RPS6KC1: variants seen among roughly 807,000 people sequenced by gnomAD.
The protein encoded by RPS6KC1 is ribosomal protein S6 kinase C1, also known as inactive ribosomal protein S6 kinase delta-1.
RPS6KC1 carries 54 observed loss-of-function variants against 103.8 expected under a neutral mutation model. The ratio of observed to expected loss-of-function variants is 0.52; its 90% CI spans 0.42 to 0.65. RPS6KC1 has a LOEUF of 0.65. Among genes scored for constraint, RPS6KC1 ranks in the 30% least tolerant of loss-of-function variants. The pLI, the probability that RPS6KC1 is intolerant of heterozygous loss-of-function variation, is 0.00. For missense variants in RPS6KC1, 1,151 were observed against 1,253.8 expected (o/e 0.92, Z 1.24); for synonymous variants, 439 against 438.7 (o/e 1.00, Z -0.01).
chr1:213,627,711 A>G, the RPS6KC1 span, among the ~76,000 whole-genome samples: 4 of 152,162 alleles, frequency 2.6e-5, no homozygotes, highest in Non-Finnish European at 5.9e-5. Context: ...TTCTGTTTAT[A>G]TGCTGGATTA....
At chr1:213,603,412 C>A in the RPS6KC1 span, among the ~76,000 whole-genome samples, 3 of 152,198 alleles carry the variant, frequency 2.0e-5, no homozygotes, top group Non-Finnish European at 4.4e-5. Context: ...GAAGTTAGGA[C>A]CAGGAACCAT....
At position 213,167,861 on chromosome 1, in the gene RPS6KC1, A is replaced by G; in HGVS notation, c.839A>G (p.Glu280Gly). 1 of 1,592,188 alleles carries G rather than the reference A, an allele frequency of 6.3e-7. No individual in the cohort carries two copies. Among genetic ancestry groups the G allele is most frequent in the Non-Finnish European group, 8.5e-7 (1 of 1,171,732 alleles). The change falls in exon 7 of 15, where the codon GAG becomes GGG. Residue 280 changes from glutamate to glycine, a missense_variant. Transcript: ENST00000366960. ...ATGTCCAGACTTTTTTTTTTAGGAG[A>G]GTCAAGCCCTACCCGTCGAGAAGCT... The part of the protein sequence containing the change: ...VDLLLEGVQG[E>G]SSPTRREAVK...
At chr1:213,200,959 G>A (rs576589044) in intron 8 of RPS6KC1, among the ~76,000 whole-genome samples, 2 of 152,090 alleles carry the variant, frequency 1.3e-5, no homozygotes, top group Non-Finnish European at 2.9e-5. Context: ...ACAGACACTG[G>A]GGCCTGTCAG....
chr1:213,797,773 C>T, the RPS6KC1 span, among the ~76,000 whole-genome samples: 1 of 152,200 alleles, frequency 6.6e-6, no homozygotes, highest in African/African-American at 2.4e-5. Flanking sequence ...CTGCCATGAG[C>T]ATGGTATAGA....
chr1:213,571,043 AG>A, the RPS6KC1 span, among the ~76,000 whole-genome samples: 1 of 152,240 alleles, frequency 6.6e-6, no homozygotes, highest in Non-Finnish European at 1.5e-5. Context: ...TTCCAATTAT[AG>A]GTTTTTGGTT....
the RPS6KC1 span, among the ~76,000 whole-genome samples, chr1:213,755,351 A>G: frequency 6.6e-6 from 1 of 152,228 alleles, no homozygotes; most frequent in Non-Finnish European, 1.5e-5. Context: ...GTCTCACGAG[A>G]GTCCAATGGA....
At chr1:213,194,658 A>G (rs537899832) in intron 8 of RPS6KC1, among the ~76,000 whole-genome samples, 6 of 152,196 alleles carry the variant, frequency 3.9e-5, no homozygotes, top group Non-Finnish European at 7.3e-5. Context: ...GATTAGTGGT[A>G]ACACTAGATT....
the RPS6KC1 span, among the ~76,000 whole-genome samples, chr1:213,348,739 A>G: frequency 2.6e-5 from 4 of 152,234 alleles, no homozygotes; most frequent in Non-Finnish European, 5.9e-5. Context: ...TAGGTTTTCA[A>G]GCTGCTCCGT....
the RPS6KC1 span, among the ~76,000 whole-genome samples, chr1:213,504,893 T>C: frequency 2.6e-5 from 4 of 152,156 alleles, no homozygotes; most frequent in Non-Finnish European, 4.4e-5. Flanking sequence ...CCTTTTCCCA[T>C]TGTAACTTGT....
At chr1:213,596,946 C>T in the RPS6KC1 span, among the ~76,000 whole-genome samples, 1 of 152,220 alleles carries the variant, frequency 6.6e-6, no homozygotes, top group African/African-American at 2.4e-5. Flanking sequence ...TGGACGGAGT[C>T]ACTGTGACTG....
At chr1:213,694,257 G>A in the RPS6KC1 span, among the ~76,000 whole-genome samples, 1 of 152,320 alleles carries the variant, frequency 6.6e-6, no homozygotes, top group Non-Finnish European at 1.5e-5. Flanking sequence ...TGGACTCTTA[G>A]TCAATTAATT....
chr1:213,663,442 C>T, the RPS6KC1 span, among the ~76,000 whole-genome samples: 4,952 of 152,210 alleles, frequency 0.033, 262 homozygotes, highest in African/African-American at 0.11. Context: ...GGTTCCTGGG[C>T]TACCTCTTCC....
rs1399629121 is a variant in RPS6KC1 at position 213,242,014 on chromosome 1, T to A, written c.2538T>A (p.Phe846Leu). 6.2e-7 allele frequency: 1 copy of A among 1,614,086 alleles called. No individual in the cohort carries two copies. The highest frequency in any genetic ancestry group is 1.1e-5 in the South Asian group (1 of 91,082). ...TAAAAACAGAAGAAGTATTGCTGTT[T>A]ACAGATCAGACTGATGATTTGGCTA... ...DTLKTEEVLL[F>L]TDQTDDLAKE... The change falls in exon 11 of 15, where the codon TTT (phenylalanine) becomes TTA (leucine). Residue 846 changes from phenylalanine (F) to leucine (L), a missense_variant. By Grantham distance (22) the Phe-to-Leu change is conservative (BLOSUM62 0). This residue lies in a region of RPS6KC1 where 959 missense variants were observed against 1,006.3 expected (regional missense o/e 0.95). Coordinates refer to ENST00000366960, the MANE Select transcript of RPS6KC1 (RefSeq NM_012424.6).
At chr1:213,484,046 T>C in the RPS6KC1 span, among the ~76,000 whole-genome samples, 1 of 152,152 alleles carries the variant, frequency 6.6e-6, no homozygotes, top group African/African-American at 2.4e-5. Flanking sequence ...TTCAAACATA[T>C]AGGTGAGACT....
chr1:213,814,033 G>T, the RPS6KC1 span, among the ~76,000 whole-genome samples: 1 of 152,204 alleles, frequency 6.6e-6, no homozygotes, highest in Non-Finnish European at 1.5e-5. Context: ...AAAGTCTTTA[G>T]AACAAAGATA....
At chr1:213,549,612 C>CTTTTTTTTTTTTTTTTTTTTTTTTTTTTT in the RPS6KC1 span, among the ~76,000 whole-genome samples, 1 of 86,916 alleles carries the variant, frequency 1.2e-5, no homozygotes, top group East Asian at 3.5e-4. Context: ...TTTTCTTTTC[C>CTTTTTTTTTTTTTTTTTTTTTTTTTTTTT]TTTTTTTTTT....
chr1:213,443,328 T>G, the RPS6KC1 span, among the ~76,000 whole-genome samples: 5 of 152,336 alleles, frequency 3.3e-5, no homozygotes, highest in East Asian at 9.7e-4. Flanking sequence ...ACACCTGTCA[T>G]CTAAAAATTT....
chr1:213,403,913 A>T, the RPS6KC1 span, among the ~76,000 whole-genome samples: 1 of 152,118 alleles, frequency 6.6e-6, no homozygotes, highest in East Asian at 1.9e-4. Context: ...CTCTTTCCTA[A>T]CTGGATCTCT....
rs772731949 is a variant in RPS6KC1 at position 213,241,526 on chromosome 1, A to G, written c.2050A>G (p.Thr684Ala). The change falls in exon 11 of 15, where the codon ACT becomes GCT. Residue 684 changes from threonine to alanine, a missense_variant. Transcript: ENST00000366960. ...TGCTGCTTTTGATGATGTCAGTGGT[A>G]CTGATGAAGGAAGACCTGATCTTCT... ...KDAAFDDVSG[T>A]DEGRPDLLVN... The G allele has an allele frequency of 1.9e-6, 3 of 1,613,892 alleles. No individual in the cohort carries two copies. The highest frequency in any genetic ancestry group is 1.3e-5 in the African/African-American group (1 of 74,924).
Sources: gnomAD v4.1 joint callset for allele counts (sites outside exome capture counted in the v4.1 genomes callset) on GRCh38, gnomAD v4.1.1 for gene constraint, gnomAD v4.1.1 regional missense constraint, MANE v1.5 for transcripts, NCBI Gene and HGNC (gene_info 2026-07-23, HGNC 2026-07-21) for gene names.